KAZN: variants seen among roughly 807,000 people sequenced by gnomAD.
KAZN encodes kazrin.
In KAZN, 40 loss-of-function variants were observed where a neutral mutation model predicts 87.4. That is an observed-to-expected ratio of 0.46 (90% confidence interval 0.36 to 0.60). The LOEUF (loss-of-function observed/expected upper bound fraction) is 0.60, where lower values mean the gene tolerates loss of function less well. KAZN is among the 20% of genes least tolerant of loss of function. The probability of loss-of-function intolerance (pLI) is 0.00; values close to 1 mark genes in which losing one functional copy is unlikely to be tolerated. For missense variants in KAZN, 898 were observed against 1,073.9 expected, an observed-to-expected ratio of 0.84 and a Z score of 2.29; for synonymous variants, 466 against 458.3, an observed-to-expected ratio of 1.02 and a Z score of -0.22.
intron 8 of KAZN, among the ~76,000 whole-genome samples, chr1:15,069,336 A>G (rs1249455758): frequency 1.3e-5 from 2 of 152,022 alleles, no homozygotes; most frequent in African/African-American, 2.4e-5. Context: ...CTCAAAACTA[A>G]CCCCGTCTCT....
intron 2 of KAZN, among the ~76,000 whole-genome samples, chr1:14,316,375 A>G (rs1655658592): frequency 6.6e-6 from 1 of 150,486 alleles, no homozygotes; most frequent in African/African-American, 2.5e-5. Context: ...TTTCCATAAT[A>G]TCATTTTAAT....
At chr1:14,208,400 A>T (rs1646786407) in intron 2 of KAZN, among the ~76,000 whole-genome samples, 1 of 152,174 alleles carries the variant, frequency 6.6e-6, no homozygotes, top group South Asian at 2.1e-4. Flanking sequence ...ACTCTCATTC[A>T]TTGACTCATT....
intron 7 of KAZN, among the ~76,000 whole-genome samples, chr1:15,064,746 G>A (rs963013922): frequency 3.3e-5 from 5 of 152,164 alleles, no homozygotes; most frequent in African/African-American, 9.7e-5. Flanking sequence ...CACATTTTCC[G>A]GACTCTCCCA....
intron 1 of KAZN, among the ~76,000 whole-genome samples, chr1:14,933,113 T>G (rs1179717745): frequency 6.6e-6 from 1 of 152,188 alleles, no homozygotes; most frequent in Non-Finnish European, 1.5e-5. Flanking sequence ...ATTTATGAGA[T>G]GGAGTTTCGC....
intron 1 of KAZN, among the ~76,000 whole-genome samples, chr1:14,608,323 G>C (rs1461605616): frequency 6.6e-6 from 1 of 152,216 alleles, no homozygotes; most frequent in Non-Finnish European, 1.5e-5. Flanking sequence ...TGGGGACTGA[G>C]TTATCTTGGA....
chr1:14,148,218 A>AGGT (rs1645395432), intron 1 of KAZN, among the ~76,000 whole-genome samples: 1 of 151,904 alleles, frequency 6.6e-6, no homozygotes, highest in African/African-American at 2.4e-5. Flanking sequence ...CAAAACACAA[A>AGGT]CTTGAGGTGC....
At chr1:14,590,659 G>C (rs1211850374) in intron 2 of KAZN, among the ~76,000 whole-genome samples, 1 of 152,118 alleles carries the variant, frequency 6.6e-6, no homozygotes, top group Non-Finnish European at 1.5e-5. Context: ...TGAAGAATGA[G>C]AGCTACCATC....
chr1:15,108,444 C>A (rs1158065315), intron 13 of KAZN, among the ~76,000 whole-genome samples: 1 of 152,192 alleles, frequency 6.6e-6, no homozygotes, highest in Admixed American at 6.5e-5. Context: ...AAGAAATTTA[C>A]CCTCTCTGAG....
At chr1:15,032,990 A>G (rs568127321) in intron 2 of KAZN, among the ~76,000 whole-genome samples, 1 of 152,080 alleles carries the variant, frequency 6.6e-6, no homozygotes, top group African/African-American at 2.4e-5. Flanking sequence ...AAAGAAAATG[A>G]ATGGTTGTAT....
At chr1:14,225,008 C>T (rs2100515646) in intron 2 of KAZN, among the ~76,000 whole-genome samples, 1 of 152,254 alleles carries the variant, frequency 6.6e-6, no homozygotes, top group South Asian at 2.1e-4. Flanking sequence ...GATGCTCACT[C>T]TCACTACTCC....
chr1:14,910,061 TAATGAATG>T (rs113826124), intron 1 of KAZN, among the ~76,000 whole-genome samples: 4 of 147,362 alleles, frequency 2.7e-5, no homozygotes, highest in Middle Eastern at 3.4e-3. Flanking sequence ...AATAAATAAA[TAATGAATG>T]AATGAATGAA....
intron 1 of KAZN, among the ~76,000 whole-genome samples, chr1:14,850,197 G>A (rs1649279579): frequency 6.6e-6 from 1 of 152,132 alleles, no homozygotes; most frequent in Non-Finnish European, 1.5e-5. Context: ...GCCTCCCAAA[G>A]TGCTGGGATT....
intron 1 of KAZN, among the ~76,000 whole-genome samples, chr1:13,947,189 G>C (rs12130659): frequency 6.6e-5 from 10 of 152,144 alleles, no homozygotes; most frequent in Non-Finnish European, 8.8e-5. Flanking sequence ...GGAAACTCAC[G>C]ATCATGGCAG....
chr1:14,684,299 G>T lies in KAZN; in HGVS notation c.226+85076G>T, dbSNP rs527340734. 7.7e-4 allele frequency among the ~76,000 whole-genome samples: 117 copies of T among 152,290 alleles called. 2 individuals carry two copies. The highest frequency in any genetic ancestry group is 2.7e-3 in the African/African-American group (113 of 41,566). On this transcript the variant is annotated intron_variant, in intron 1 of 14. Transcript: ENST00000376030. ...AGGATACTTGATTGGTATTAGGGTT[G>T]CACAGACCAAGTTTGATCCCAGCTC...
intron 1 of KAZN, among the ~76,000 whole-genome samples, chr1:14,774,585 C>A (rs756271274): frequency 6.6e-6 from 1 of 151,776 alleles, no homozygotes; most frequent in Non-Finnish European, 1.5e-5. Flanking sequence ...ATCCTCCCAT[C>A]TCAGCCTCCC....
intron 2 of KAZN, among the ~76,000 whole-genome samples, chr1:14,481,935 G>A (rs535683207): frequency 2.4e-4 from 37 of 152,364 alleles, no homozygotes; most frequent in African/African-American, 8.4e-4. Context: ...CAAACGGCAT[G>A]CCTGCATGGA....
intron 2 of KAZN, among the ~76,000 whole-genome samples, chr1:14,335,402 C>T (rs1295651939): frequency 6.6e-6 from 1 of 152,000 alleles, no homozygotes; most frequent in African/African-American, 2.4e-5. Flanking sequence ...GGGGTTTCAC[C>T]ATGTTGGTCA....
intron 2 of KAZN, among the ~76,000 whole-genome samples, chr1:14,354,301 G>GA (rs908615448): frequency 6.6e-6 from 1 of 151,824 alleles, no homozygotes; most frequent in Non-Finnish European, 1.5e-5. Flanking sequence ...GCAGAAGGAT[G>GA]AAAAAAAGAA....
intron 1 of KAZN, among the ~76,000 whole-genome samples, chr1:14,873,109 T>A (rs1652362704): frequency 7.0e-6 from 1 of 142,532 alleles, no homozygotes; most frequent in Non-Finnish European, 1.5e-5. Flanking sequence ...GATGGACAGA[T>A]AGATGAATGG....
Sources: gnomAD v4.1 joint callset for allele counts (sites outside exome capture counted in the v4.1 genomes callset) on GRCh38, gnomAD v4.1.1 for gene constraint, MANE v1.5 for transcripts, NCBI Gene and HGNC (gene_info 2026-07-23, HGNC 2026-07-21) for gene names.